Variants in ST8SIA1 observed in about 807,000 individuals in gnomAD.
The protein encoded by ST8SIA1 is alpha-N-acetylneuraminide alpha-2,8-sialyltransferase.
ST8SIA1 carries 16 observed loss-of-function variants against 35.9 expected under a neutral mutation model. That is an observed-to-expected ratio of 0.45 (90% CI 0.30 to 0.68). ST8SIA1 has a LOEUF of 0.68. Ranked by LOEUF, ST8SIA1 falls within the 30% of genes least tolerant of loss-of-function variation. The pLI is 0.09. For synonymous variants in ST8SIA1, 170 were observed against 169.6 expected (o/e 1.00, Z -0.02); for missense variants, 383 against 453.6 (o/e 0.84, Z 1.41).
At chr12:22,314,240 A>G (rs963627851) in intron 1 of ST8SIA1, among the ~76,000 whole-genome samples, 9 of 152,228 alleles carry the variant, frequency 5.9e-5, no homozygotes, top group African/African-American at 2.2e-4. Flanking sequence ...ACTACCCTTC[A>G]CGGTATGTTT....
At chr12:22,322,790 A>G (rs7964012) in intron 1 of ST8SIA1, among the ~76,000 whole-genome samples, 47,292 of 152,052 alleles carry the variant, frequency 0.31, 8,022 homozygotes, top group Middle Eastern at 0.48. Flanking sequence ...TTTTTATGAC[A>G]CCTCCACCCT....
intron 1 of ST8SIA1, among the ~76,000 whole-genome samples, chr12:22,306,352 CTT>C (rs1446888453): frequency 2.0e-5 from 3 of 152,022 alleles, no homozygotes; most frequent in Non-Finnish European, 2.9e-5. Context: ...ACACCTTATT[CTT>C]TCTTTCTTTT....
intron 4 of ST8SIA1, among the ~76,000 whole-genome samples, chr12:22,239,130 C>G (rs144767005): frequency 4.6e-5 from 7 of 152,208 alleles, no homozygotes; most frequent in Admixed American, 4.6e-4. Context: ...TTCTTTCTGT[C>G]TGCTTTTATA....
At chr12:22,236,918 G>A (rs562033838) in intron 4 of ST8SIA1, among the ~76,000 whole-genome samples, 38 of 152,194 alleles carry the variant, frequency 2.5e-4, no homozygotes, top group African/African-American at 8.4e-4. Context: ...GGAAAGATGT[G>A]GAGAACGTTC....
intron 1 of ST8SIA1, among the ~76,000 whole-genome samples, chr12:22,305,441 C>T (rs898332748): frequency 2.0e-5 from 3 of 146,442 alleles, no homozygotes; most frequent in African/African-American, 5.1e-5. Context: ...AGTGCAATGG[C>T]GTGCTCTCAG....
At chr12:22,244,703 C>T (rs1037737276) in intron 4 of ST8SIA1, among the ~76,000 whole-genome samples, 2 of 152,126 alleles carry the variant, frequency 1.3e-5, no homozygotes, top group Admixed American at 6.5e-5. Flanking sequence ...CCACCAGCCT[C>T]GGCCTCCCAA....
chr12:22,211,202 T>C (rs759313029), intron 4 of ST8SIA1, among the ~76,000 whole-genome samples: 1 of 152,240 alleles, frequency 6.6e-6, no homozygotes, highest in Admixed American at 6.5e-5. Flanking sequence ...CTCCAGGAAC[T>C]TTCCCATGTT....
chr12:22,268,836 CA>C (rs559833228), intron 2 of ST8SIA1, among the ~76,000 whole-genome samples: 322 of 152,216 alleles, frequency 2.1e-3, no homozygotes, highest in African/African-American at 7.4e-3. Context: ...ACCATATCAC[CA>C]AAGCAGCAGG....
Position 22,196,456 on chromosome 12 carries a change from A to C in ST8SIA1, c.*5096T>G, listed in dbSNP as rs949696359. On this transcript the variant is annotated 3_prime_UTR_variant, in exon 5 of 5. Transcript: ENST00000396037. Reference sequence around the variant, plus strand: ...TAAAGCAGATGGTATCCATTTTCTTATGATAGAAGGGAAAAAAAGCTACAG... The same window carrying C: ...TAAAGCAGATGGTATCCATTTTCTTCTGATAGAAGGGAAAAAAAGCTACAG... 6.6e-6 allele frequency: 1 copy of C among 152,184 alleles called. No individual in the cohort carries two copies. The highest frequency in any genetic ancestry group is 1.5e-5 in the Non-Finnish European group (1 of 68,036). The allele number at this position is 152,184 out of a possible 1,614,324, so 9.4% of individuals were successfully genotyped here. A position where few individuals can be genotyped will look rare whatever the true frequency, so the allele number is the denominator to read the frequency against.
chr12:22,206,539 A>C (rs985020523), intron 4 of ST8SIA1, among the ~76,000 whole-genome samples: 2 of 152,208 alleles, frequency 1.3e-5, no homozygotes, highest in African/African-American at 4.8e-5. Flanking sequence ...GGCTCAGCCC[A>C]GGGAAATGGA....
At chr12:22,225,554 C>T (rs1225766058) in intron 4 of ST8SIA1, among the ~76,000 whole-genome samples, 1 of 152,128 alleles carries the variant, frequency 6.6e-6, no homozygotes, top group Non-Finnish European at 1.5e-5. Context: ...ATTAATATTT[C>T]TTGTAAACAC....
chr12:22,212,268 T>C (rs759530), intron 4 of ST8SIA1, among the ~76,000 whole-genome samples: 2,701 of 152,330 alleles, frequency 0.018, 58 homozygotes, highest in Admixed American at 0.069. Flanking sequence ...TTACTTCTTC[T>C]TCAAATGCTT....
intron 1 of ST8SIA1, among the ~76,000 whole-genome samples, chr12:22,327,612 G>A (rs1866698424): frequency 6.6e-6 from 1 of 152,190 alleles, no homozygotes; most frequent in Admixed American, 6.5e-5. Context: ...AAAGAAGGAT[G>A]TGGCCCCTTA....
Position 22,196,767 on chromosome 12 carries a change from A to C in ST8SIA1, c.*4785T>G, listed in dbSNP as rs1012318565. On this transcript the variant is annotated 3_prime_UTR_variant, in exon 5 of 5. Transcript: ENST00000396037. ...TAGGTCGGGGTGATCAGACTCTGCC[A>C]CAAAACACCCACATTTAGACAGCAC... 2 of 152,278 alleles carry C rather than the reference A, an allele frequency of 1.3e-5. No individual in the cohort carries two copies. The highest frequency in any genetic ancestry group is 4.8e-5 in the African/African-American group (2 of 41,446). The allele number at this position is 152,278 out of a possible 1,614,324, so 9.4% of individuals were successfully genotyped here.
At chr12:22,267,462 C>A (rs1865862417) in intron 2 of ST8SIA1, among the ~76,000 whole-genome samples, 1 of 152,120 alleles carries the variant, frequency 6.6e-6, no homozygotes. Flanking sequence ...TTTATTTCCC[C>A]AATTTAATAA....
intron 1 of ST8SIA1, among the ~76,000 whole-genome samples, chr12:22,327,468 G>T (rs1052330702): frequency 1.3e-5 from 2 of 152,182 alleles, no homozygotes; most frequent in Non-Finnish European, 2.9e-5. Context: ...CTCTCAGGAA[G>T]AAGATTGGGG....
intron 4 of ST8SIA1, among the ~76,000 whole-genome samples, chr12:22,235,859 T>A (rs1457246175): frequency 6.6e-6 from 1 of 151,574 alleles, no homozygotes; most frequent in Non-Finnish European, 1.5e-5. Flanking sequence ...ACAAACCATG[T>A]TGATCCCAAA....
chr12:22,279,162 C>T (rs1022140727), intron 2 of ST8SIA1, among the ~76,000 whole-genome samples: 6 of 151,146 alleles, frequency 4.0e-5, no homozygotes, highest in African/African-American at 1.5e-4. Flanking sequence ...CAGACTGAGC[C>T]CTGAGCAATG....
In ST8SIA1 at chr12:22,306,851, C is replaced by T. The variant is rs115352022; in HGVS notation, c.237-19558G>A. 6.6e-3 allele frequency among the ~76,000 whole-genome samples: 1,007 copies of T among 152,258 alleles called. 12 individuals carry two copies. The highest frequency in any genetic ancestry group is 0.023 in the African/African-American group (957 of 41,554). On this transcript the variant is annotated intron_variant, in intron 1 of 4. Coordinates refer to ENST00000396037, the MANE Select transcript of ST8SIA1 (RefSeq NM_003034.4). ...TTATCCATACTTCTCACATTTTTAT[C>T]ACTTTTTTTCCTTTCTGTCCTTTCA...
Sources: allele counts gnomAD v4.1 joint callset (sites outside exome capture counted in the v4.1 genomes callset), GRCh38; gene constraint gnomAD v4.1.1; transcripts MANE v1.5; gene names NCBI Gene and HGNC (gene_info 2026-07-23, HGNC 2026-07-21).